KPNA7: variants seen among roughly 807,000 people sequenced by gnomAD.
KPNA7 encodes karyopherin subunit alpha 7.
In KPNA7, 54 loss-of-function variants were observed where a neutral mutation model predicts 53.7. The observed-to-expected ratio is 1.01, with a 90% CI of 0.81 to 1.26. The LOEUF is 1.26. Among genes scored for constraint, KPNA7 ranks in the 50% most tolerant of loss-of-function variants. The probability of loss-of-function intolerance (pLI) is 0.00; values close to 1 mark genes in which losing one functional copy is unlikely to be tolerated. For synonymous variants in KPNA7, 276 were observed against 259.3 expected (o/e 1.06, Z -0.62); for missense variants, 640 against 644.5 (o/e 0.99, Z 0.07).
At chr7:99,210,654 T>C (rs1238767477), upstream of KPNA7, among the ~76,000 whole-genome samples, 1 of 152,024 alleles carries the variant, frequency 6.6e-6, no homozygotes, top group Non-Finnish European at 1.5e-5. Context: ...AATAGTGTAA[T>C]CATGGCTTAC....
At chr7:99,213,942 A>T (rs964686676) in intron 1 of KPNA7, among the ~76,000 whole-genome samples, 18 of 152,118 alleles carry the variant, frequency 1.2e-4, no homozygotes, top group African/African-American at 4.3e-4. Flanking sequence ...AATTTTAGAC[A>T]TTTAGGATTA....
At chr7:99,173,183 TTCTTTA>T (rs1798804601), downstream of KPNA7, among the ~76,000 whole-genome samples, 1 of 151,874 alleles carries the variant, frequency 6.6e-6, no homozygotes, top group African/African-American at 2.4e-5. Context: ...TAAACAAATG[TTCTTTA>T]TTTTTTATTA....
chr7:99,202,231 A>C (rs751556906), intron 3 of KPNA7, among the ~76,000 whole-genome samples: 5 of 152,154 alleles, frequency 3.3e-5, no homozygotes, highest in Non-Finnish European at 5.9e-5. Flanking sequence ...AAAAGGGTGC[A>C]TGTGGGTAGT....
the KPNA7 span, among the ~76,000 whole-genome samples, chr7:99,162,652 A>AG: frequency 6.6e-6 from 1 of 152,326 alleles, no homozygotes; most frequent in African/African-American, 2.4e-5. Context: ...TGCAAAGAGA[A>AG]GGAAAAAAAG....
In KPNA7 at chr7:99,218,157, A is replaced by G. The variant is rs1791260143; in HGVS notation, c.-23-10668T>C. Among the ~76,000 whole-genome samples, 4 of 151,852 alleles carry G rather than the reference A, an allele frequency of 2.6e-5. No homozygotes were observed. The South Asian group carries it at 8.3e-4, about 32-fold the overall frequency. On this transcript the variant is annotated intron_variant, in intron 1 of 10. Transcript: ENST00000681060. The stretch of plus-strand genomic sequence containing the variant: ...CAGGACCACAGGCATGCACCATCAC[A>G]CCTGGCTAATTTTTTTATTTTTTGG...
chr7:99,190,883 C>A (rs1376020204), intron 6 of KPNA7, among the ~76,000 whole-genome samples: 2 of 152,006 alleles, frequency 1.3e-5, no homozygotes, highest in African/African-American at 4.8e-5. Flanking sequence ...GCTGACCTTG[C>A]CTGGCTGGGT....
At chr7:99,181,061 GTCTCTCTCTCCATCTGTGTCTCTCTC>G (rs1799226168) in intron 9 of KPNA7, among the ~76,000 whole-genome samples, 2 of 4,322 alleles carry the variant, frequency 4.6e-4, no homozygotes, top group Non-Finnish European at 1.3e-3. Flanking sequence ...CTCCGTCTGT[GTCTCTCTCTCCATCTGTGTCTCTCTC>G]TCTCTCTCCG....
At chr7:99,180,555 C>G (rs928103863) in intron 9 of KPNA7, among the ~76,000 whole-genome samples, 1,640 of 141,594 alleles carry the variant, frequency 0.012, 38 homozygotes, top group African/African-American at 0.042. Context: ...CTCCGTCTGT[C>G]TCTGTCTCTG....
chr7:99,182,001 A>G lies in KPNA7; in HGVS notation c.1199T>C (p.Met400Thr), dbSNP rs1379719250. ...GTGGACGAGCTGGATCAGCTGATCC[A>G]TGGTGGCCCCTGTTGCAAAGTTCGC... Reference protein sequence around the residue: ...MVANFATGATMDQLIQLVHSG... With the variant: ...MVANFATGATTDQLIQLVHSG... Residue 400 changes from methionine (M) to threonine (T), a missense_variant, in exon 9 of 11, where the codon ATG becomes ACG. Coordinates refer to ENST00000327442, the MANE Select transcript of KPNA7 (RefSeq NM_001145715.3). 5.8e-6 allele frequency: 9 copies of G among 1,550,264 alleles called. No individual in the cohort carries two copies. Among genetic ancestry groups the G allele is most frequent in the South Asian group, 2.4e-5 (2 of 84,012 alleles).
intron 1 of KPNA7, among the ~76,000 whole-genome samples, chr7:99,219,296 A>G (rs1487628651): frequency 1.3e-5 from 2 of 152,134 alleles, no homozygotes; most frequent in African/African-American, 4.8e-5. Flanking sequence ...AATTCCTTCT[A>G]GGGAAGGGTT....
intron 8 of KPNA7, among the ~76,000 whole-genome samples, chr7:99,182,809 A>G (rs562866548): frequency 3.2e-4 from 49 of 152,186 alleles, no homozygotes; most frequent in African/African-American, 1.2e-3. Flanking sequence ...ACAGACTAGG[A>G]GTTATGCTTG....
intron 10 of KPNA7, among the ~76,000 whole-genome samples, chr7:99,175,162 C>T (rs1584255510): frequency 6.6e-6 from 1 of 152,166 alleles, no homozygotes; most frequent in South Asian, 2.1e-4. Flanking sequence ...CTGGAAAATG[C>T]TTATCACCAT....
chr7:99,153,300 G>A, the KPNA7 span, among the ~76,000 whole-genome samples: 1 of 152,200 alleles, frequency 6.6e-6, no homozygotes. Flanking sequence ...GCTCATGCCT[G>A]TAATCCCAAC....
chr7:99,206,058 T>G (rs1319832896), intron 2 of KPNA7, among the ~76,000 whole-genome samples: 1 of 152,224 alleles, frequency 6.6e-6, no homozygotes, highest in African/African-American at 2.4e-5. Context: ...ACCTATATGC[T>G]AACGTTTTAG....
rs1563075127 is a variant in KPNA7 at position 99,187,809 on chromosome 7, A to ATT, written c.900+490_900+491insAA. 4.5e-3 allele frequency among the ~76,000 whole-genome samples: 315 copies of ATT among 70,782 alleles called. 11 individuals are homozygous for ATT. Among genetic ancestry groups the ATT allele is most frequent in the Non-Finnish European group, 6.5e-3 (255 of 39,368 alleles). The allele number at this position is 70,782 out of a possible 152,430, so 46.4% of individuals were successfully genotyped here. A position where few individuals can be genotyped will look rare whatever the true frequency, so the allele number is the denominator to read the frequency against. On this transcript the variant is annotated intron_variant, in intron 7 of 10. Coordinates refer to ENST00000327442, the MANE Select transcript of KPNA7 (RefSeq NM_001145715.3). ...CCCGGCCTTTTTTTTTAAAAAAAAA[A>ATT]AAAAAAAAAAAAAAAAAAAAAAAAA...
intron 4 of KPNA7, among the ~76,000 whole-genome samples, 162 bp from the exon 5 acceptor site, chr7:99,195,500 C>A (rs1790184407): frequency 1.3e-5 from 2 of 152,018 alleles, no homozygotes; most frequent in African/African-American, 4.8e-5. Context: ...AGTTCGAGAC[C>A]AGCCTGGCCA....
chr7:99,216,476 C>A (rs967351135), intron 1 of KPNA7, among the ~76,000 whole-genome samples: 1 of 152,100 alleles, frequency 6.6e-6, no homozygotes, highest in African/African-American at 2.4e-5. Flanking sequence ...ACTGTAAGAC[C>A]CCTGCCCTGT....
chr7:99,169,366 T>TC (rs1798730518), downstream of KPNA7, among the ~76,000 whole-genome samples: 1 of 151,824 alleles, frequency 6.6e-6, no homozygotes, highest in Non-Finnish European at 1.5e-5. Context: ...ACGCCTGTAA[T>TC]CCCAACACTT....
the KPNA7 span, among the ~76,000 whole-genome samples, chr7:99,164,526 T>C: frequency 1.3e-5 from 2 of 152,014 alleles, no homozygotes; most frequent in Admixed American, 6.6e-5. Flanking sequence ...TTAGGAGGTA[T>C]ACCTAATGTA....
Sources: allele counts gnomAD v4.1 joint callset (sites outside exome capture counted in the v4.1 genomes callset), GRCh38; gene constraint gnomAD v4.1.1; transcripts MANE v1.5; gene names NCBI Gene and HGNC (gene_info 2026-07-23, HGNC 2026-07-21).